The following WWOX variants were observed in gnomAD, a reference collection of about 807,000 sequenced individuals.
WWOX encodes WW domain containing oxidoreductase.
A neutral mutation model predicts 46.2 loss-of-function variants in WWOX; 69 were observed. That is an observed-to-expected ratio of 1.49 (90% CI 1.23 to 1.82). The LOEUF is 1.82. Among genes scored for constraint, WWOX ranks in the 40% most tolerant of loss-of-function variants. WWOX has a pLI of 0.00. For synonymous variants in WWOX, 359 were observed against 202.6 expected (o/e 1.77, Z -6.56); for missense variants, 919 against 542.6 (o/e 1.69, Z -6.89).
At chr16:78,131,767 G>T (rs1365685737) in intron 4 of WWOX, among the ~76,000 whole-genome samples, 2 of 151,054 alleles carry the variant, frequency 1.3e-5, no homozygotes, top group Non-Finnish European at 2.9e-5. Context: ...TGTATTTTTA[G>T]TAGAGATGGG....
chr16:78,240,165 A>T (rs570695727), intron 5 of WWOX, among the ~76,000 whole-genome samples: 1 of 152,130 alleles, frequency 6.6e-6, no homozygotes, highest in African/African-American at 2.4e-5. Flanking sequence ...CCTAAATCCA[A>T]TGACGGTTAT....
chr16:78,825,834 A>G (rs2051638326), intron 8 of WWOX: 2 of 608,610 alleles, frequency 3.3e-6, no homozygotes, highest in Middle Eastern at 5.1e-4. Flanking sequence ...ATCAAGGTGA[A>G]GGTCATGCTG....
rs371105483 is a variant in WWOX, at chr16:79,143,391, G to A, written c.1057-68217G>A. ...TTCTTGAATTTTAACTGTGCCTGAAGATCAATCATTGTAACAGCTGCAGGG... is the reference window on the plus strand; with the variant it reads ...TTCTTGAATTTTAACTGTGCCTGAAAATCAATCATTGTAACAGCTGCAGGG... On this transcript the variant is annotated intron_variant, in intron 8 of 8. Transcript: ENST00000566780. 2.5e-4 allele frequency among the ~76,000 whole-genome samples: 38 copies of A among 152,162 alleles called. 1 individual carries two copies. Among genetic ancestry groups the A allele is most frequent in the Non-Finnish European group, 4.3e-4 (29 of 68,026 alleles).
At chr16:78,569,055 G>C (rs1408421510) in intron 8 of WWOX, among the ~76,000 whole-genome samples, 1 of 152,120 alleles carries the variant, frequency 6.6e-6, no homozygotes, top group African/African-American at 2.4e-5. Flanking sequence ...TCAGCCTCTT[G>C]GGCTGGCTCA....
intron 5 of WWOX, among the ~76,000 whole-genome samples, chr16:78,298,734 T>C (rs2079985693): frequency 6.6e-6 from 1 of 150,488 alleles, no homozygotes; most frequent in South Asian, 2.1e-4. Context: ...GAGGTTGTGG[T>C]GAGCCAAGAT....
At chr16:78,375,738 T>G (rs945529752) in intron 5 of WWOX, among the ~76,000 whole-genome samples, 2 of 152,092 alleles carry the variant, frequency 1.3e-5, no homozygotes, top group Non-Finnish European at 2.9e-5. Context: ...AATTATAGTT[T>G]CCTAAGTATT....
chr16:78,730,929 G>A (rs566950783), intron 8 of WWOX, among the ~76,000 whole-genome samples: 1 of 152,038 alleles, frequency 6.6e-6, no homozygotes, highest in Admixed American at 6.6e-5. Context: ...AGATCACTTT[G>A]TTTGTTCCCC....
intron 8 of WWOX, among the ~76,000 whole-genome samples, chr16:78,704,277 A>G (rs989277204): frequency 3.3e-5 from 5 of 152,144 alleles, no homozygotes; most frequent in African/African-American, 1.2e-4. Flanking sequence ...CATAGCGGGT[A>G]TCTCCAAAAT....
intron 5 of WWOX, among the ~76,000 whole-genome samples, chr16:78,178,431 T>C (rs1009947997): frequency 2.6e-5 from 4 of 152,206 alleles, no homozygotes; most frequent in African/African-American, 9.7e-5. Context: ...TTCTAGAGCG[T>C]CTTTCATCTG....
Position 78,348,698 on chromosome 16 carries a change from T to C in WWOX, c.517-38162T>C, listed in dbSNP as rs1597075086. ...GTCTCTAACTCCTGAGCTCAAGAGA[T>C]CCACCCGCCTCTGCCTCCCAAAGTG... On this transcript the variant is annotated intron_variant, in intron 5 of 8. Coordinates refer to ENST00000566780, the MANE Select transcript of WWOX (RefSeq NM_016373.4). Among the ~76,000 whole-genome samples the C allele has an allele frequency of 1.7e-5, 2 of 120,254 alleles. 1 individual carries two copies. The highest frequency in any genetic ancestry group is 5.7e-5 in the African/African-American group (2 of 35,396). The allele number at this position is 120,254 out of a possible 152,430, so 78.9% of individuals were successfully genotyped here.
chr16:79,103,106 G>A (rs549342407), intron 8 of WWOX, among the ~76,000 whole-genome samples: 3 of 152,122 alleles, frequency 2.0e-5, no homozygotes, highest in African/African-American at 7.2e-5. Flanking sequence ...CACCTAAGTG[G>A]TTAAGTCTCT....
At chr16:78,908,018 G>A (rs1393901676) in intron 8 of WWOX, among the ~76,000 whole-genome samples, 1 of 152,164 alleles carries the variant, frequency 6.6e-6, no homozygotes, top group Non-Finnish European at 1.5e-5. Flanking sequence ...CATTTGTCCA[G>A]GTATTTGGAT....
intron 8 of WWOX, among the ~76,000 whole-genome samples, chr16:79,053,035 A>G (rs1190412114): frequency 6.6e-6 from 1 of 152,106 alleles, no homozygotes; most frequent in Non-Finnish European, 1.5e-5. Context: ...AGGGTTACAG[A>G]GCAAAGTAAT....
chr16:78,661,983 G>A (rs1359914405), intron 8 of WWOX, among the ~76,000 whole-genome samples: 1 of 152,312 alleles, frequency 6.6e-6, no homozygotes, highest in Admixed American at 6.5e-5. Context: ...GATGGAGGTT[G>A]CAATGAACCG....
chr16:78,606,154 A>G (rs960515610), intron 8 of WWOX, among the ~76,000 whole-genome samples: 6 of 152,226 alleles, frequency 3.9e-5, no homozygotes, highest in Non-Finnish European at 7.3e-5. Context: ...TCGTTAACAC[A>G]GTCAAAATTT....
chr16:79,061,742 G>C (rs771744501), intron 8 of WWOX, among the ~76,000 whole-genome samples: 3 of 152,208 alleles, frequency 2.0e-5, no homozygotes, highest in Non-Finnish European at 4.4e-5. Flanking sequence ...TTCTCTTAGA[G>C]TCGTTAAGGT....
intron 8 of WWOX, among the ~76,000 whole-genome samples, chr16:78,456,392 T>A (rs1284158602): frequency 2.6e-5 from 4 of 151,574 alleles, no homozygotes; most frequent in Non-Finnish European, 5.9e-5. Context: ...TTAAAAAAAA[T>A]TTAATTTTGT....
intron 5 of WWOX, among the ~76,000 whole-genome samples, chr16:78,366,326 T>C (rs2081535739): frequency 6.6e-6 from 1 of 152,208 alleles, no homozygotes; most frequent in Admixed American, 6.5e-5. Flanking sequence ...ATATGCTCCC[T>C]CCTATGCCTA....
chr16:79,028,882 G>C (rs2047698231), intron 8 of WWOX, among the ~76,000 whole-genome samples: 1 of 137,442 alleles, frequency 7.3e-6, no homozygotes. Flanking sequence ...TCACTTCACA[G>C]TTTCCTGAAC....
Sources: gnomAD v4.1 joint callset for allele counts (sites outside exome capture counted in the v4.1 genomes callset) on GRCh38, gnomAD v4.1.1 for gene constraint, MANE v1.5 for transcripts, NCBI Gene and HGNC (gene_info 2026-07-23, HGNC 2026-07-21) for gene names.